The following SPAG16 variants were observed in gnomAD, a reference collection of about 807,000 sequenced individuals.
The protein encoded by SPAG16 is sperm associated antigen 16.
Under a neutral mutation model 80.4 loss-of-function variants are expected in SPAG16, and 86 were observed. The observed-to-expected ratio is 1.07, with a 90% CI of 0.90 to 1.28. SPAG16 has a LOEUF of 1.28. Ranked by LOEUF, SPAG16 falls within the 50% of genes most tolerant of loss-of-function variation. The pLI is 0.00. For synonymous variants in SPAG16, 294 were observed against 265.9 expected (o/e 1.11, Z -1.03); for missense variants, 870 against 765.3 (o/e 1.14, Z -1.61).
chr2:214,083,388 C>T (rs2051512861), intron 13 of SPAG16, among the ~76,000 whole-genome samples: 1 of 151,920 alleles, frequency 6.6e-6, no homozygotes, highest in South Asian at 2.1e-4. Context: ...ATTTACCAGG[C>T]CATAAGATCA....
intron 9 of SPAG16, among the ~76,000 whole-genome samples, chr2:213,469,741 C>T (rs910181283): frequency 1.3e-5 from 2 of 151,934 alleles, no homozygotes; most frequent in Admixed American, 6.6e-5. Context: ...TCCTATATTC[C>T]ACGTATACTG....
intron 10 of SPAG16, among the ~76,000 whole-genome samples, chr2:213,694,632 A>G (rs1321807163): frequency 6.6e-6 from 1 of 152,124 alleles, no homozygotes; most frequent in East Asian, 1.9e-4. Flanking sequence ...CATAATCTGG[A>G]CATTGCTGTT....
intron 11 of SPAG16, among the ~76,000 whole-genome samples, chr2:213,879,362 T>G (rs1233892315): frequency 6.6e-6 from 1 of 151,812 alleles, no homozygotes; most frequent in Non-Finnish European, 1.5e-5. Flanking sequence ...ATGTTTTACC[T>G]CCTTGGTTAA....
intron 10 of SPAG16, among the ~76,000 whole-genome samples, chr2:213,526,104 G>A (rs749614518): frequency 8.6e-5 from 13 of 151,666 alleles, no homozygotes; most frequent in Admixed American, 2.6e-4. Flanking sequence ...TCTTAATATC[G>A]GTATCTTAAC....
At chr2:214,014,288 T>G (rs978799742) in intron 13 of SPAG16, among the ~76,000 whole-genome samples, 1 of 152,236 alleles carries the variant, frequency 6.6e-6, no homozygotes, top group Non-Finnish European at 1.5e-5. Context: ...TATGATTATC[T>G]CATTAAGCAT....
intron 9 of SPAG16, among the ~76,000 whole-genome samples, chr2:213,410,478 C>G (rs2068903571): frequency 6.6e-6 from 1 of 152,124 alleles, no homozygotes; most frequent in Admixed American, 6.5e-5. Context: ...AGTCTTGCCC[C>G]CGATGTAGAG....
chr2:214,229,266 A>G (rs1688522914), intron 15 of SPAG16, among the ~76,000 whole-genome samples: 1 of 151,868 alleles, frequency 6.6e-6, no homozygotes, highest in Non-Finnish European at 1.5e-5. Context: ...TTAAAGGAAG[A>G]GGAGGCAGGT....
chr2:213,960,615 G>A (rs774427109), intron 12 of SPAG16, among the ~76,000 whole-genome samples: 2 of 152,156 alleles, frequency 1.3e-5, no homozygotes, highest in Non-Finnish European at 2.9e-5. Context: ...GAGTTAGCCT[G>A]AGGTGTAAAT....
At chr2:214,112,697 T>C (rs1340943490) in intron 14 of SPAG16, among the ~76,000 whole-genome samples, 1 of 151,622 alleles carries the variant, frequency 6.6e-6, no homozygotes, top group African/African-American at 2.4e-5. Flanking sequence ...CATCCCTTTA[T>C]TTTGAGCCTA....
intron 15 of SPAG16, among the ~76,000 whole-genome samples, chr2:214,345,883 T>A (rs1031547996): frequency 2.3e-4 from 35 of 152,216 alleles, no homozygotes; most frequent in African/African-American, 7.7e-4. Context: ...TTTTCACATC[T>A]AGGAATAGTT....
At chr2:213,804,301 G>A (rs1162757617) in intron 10 of SPAG16, among the ~76,000 whole-genome samples, 2 of 152,164 alleles carry the variant, frequency 1.3e-5, no homozygotes. Context: ...ACTTGGTTGG[G>A]GAGGTAGGCA....
chr2:214,008,650 T>G lies in SPAG16; in HGVS notation c.1401-5301T>G, dbSNP rs914037010. The stretch of plus-strand genomic sequence containing the variant: ...GCCCCAGCTACTCCAGAGGCTGAGG[T>G]AGGAGAATCGCTTGAACCGGGGAGA... On this transcript the variant is annotated intron_variant, in intron 12 of 15. Coordinates refer to ENST00000331683, the MANE Select transcript of SPAG16 (RefSeq NM_024532.5). 4.0e-5 allele frequency among the ~76,000 whole-genome samples: 6 copies of G among 151,278 alleles called. No individual in the cohort carries two copies. In the South Asian group the frequency reaches 8.3e-4, roughly 21 times the overall value.
chr2:213,703,850 A>G (rs1574874551), intron 10 of SPAG16, among the ~76,000 whole-genome samples: 1 of 152,218 alleles, frequency 6.6e-6, no homozygotes, highest in African/African-American at 2.4e-5. Flanking sequence ...TCAGATCTGC[A>G]TTGCAGTCTG....
At chr2:213,431,505 A>G (rs1559126422) in intron 9 of SPAG16, among the ~76,000 whole-genome samples, 1 of 145,154 alleles carries the variant, frequency 6.9e-6, no homozygotes, top group Non-Finnish European at 1.5e-5. Context: ...TGTAAAAAAA[A>G]AGAAAAAGTC....
At chr2:213,546,366 T>C (rs530620842) in intron 10 of SPAG16, among the ~76,000 whole-genome samples, 2 of 152,288 alleles carry the variant, frequency 1.3e-5, no homozygotes, top group South Asian at 4.1e-4. Flanking sequence ...TTTTTTGTTA[T>C]ATCTTTACCT....
intron 14 of SPAG16, among the ~76,000 whole-genome samples, 174 bp downstream of exon 14, chr2:214,108,435 A>T (rs182899008): frequency 5.9e-4 from 83 of 141,562 alleles, no homozygotes; most frequent in African/African-American, 2.1e-3. Context: ...CAGAATTTTA[A>T]AATTCACACA....
intron 9 of SPAG16, among the ~76,000 whole-genome samples, chr2:213,426,757 GT>G (rs2069944615): frequency 1.8e-5 from 1 of 56,082 alleles, no homozygotes; most frequent in Non-Finnish European, 3.3e-5. Context: ...TAAATCTGGT[GT>G]GTGTGTGTGT....
chr2:214,119,155 C>T (rs1001612565), intron 14 of SPAG16, among the ~76,000 whole-genome samples: 1 of 151,952 alleles, frequency 6.6e-6, no homozygotes, highest in African/African-American at 2.4e-5. Context: ...AACAGATAGG[C>T]AATAAACAAT....
chr2:214,237,605 ATAATT>A (rs1167371079), intron 15 of SPAG16, among the ~76,000 whole-genome samples: 2 of 152,102 alleles, frequency 1.3e-5, no homozygotes, highest in Non-Finnish European at 2.9e-5. Context: ...AAATGTGGTA[ATAATT>A]TAGAGACCAA....
Sources: gnomAD v4.1 joint callset for allele counts (sites outside exome capture counted in the v4.1 genomes callset) on GRCh38, gnomAD v4.1.1 for gene constraint, MANE v1.5 for transcripts, NCBI Gene and HGNC (gene_info 2026-07-23, HGNC 2026-07-21) for gene names.